The following ADAMTS19 variants were observed in gnomAD, a reference collection of about 807,000 sequenced individuals.
ADAMTS19 encodes ADAM metallopeptidase with thrombospondin type 1 motif 19.
ADAMTS19 carries 93 observed loss-of-function variants against 153.3 expected under a neutral mutation model. The observed-to-expected ratio is 0.61, with a 90% confidence interval of 0.51 to 0.72. The LOEUF is 0.72. Among genes scored for constraint, ADAMTS19 ranks in the 30% least tolerant of loss-of-function variants. ADAMTS19 has a pLI of 0.00. For synonymous variants in ADAMTS19, 600 were observed against 556.6 expected, an observed-to-expected ratio of 1.08 and a Z score of -1.10; for missense variants, 1,482 against 1,552.1, an observed-to-expected ratio of 0.95 and a Z score of 0.76.
intron 2 of ADAMTS19, 133 bp from the exon 3 acceptor site, chr5:129,508,944 G>T (rs2126724918): frequency 1.7e-6 from 1 of 585,732 alleles, no homozygotes; most frequent in Non-Finnish European, 2.8e-6. Context: ...CTTGCTAGTG[G>T]GGTTGCTAAG....
At chr5:129,665,881 CATATAT>C (rs3979171) in intron 16 of ADAMTS19, among the ~76,000 whole-genome samples, 14,006 of 143,618 alleles carry the variant, frequency 0.098, 1,386 homozygotes, top group African/African-American at 0.26. Flanking sequence ...GATTTATATT[CATATAT>C]ATATATATAT....
rs199589260 is a variant in ADAMTS19 at position 129,704,364 on chromosome 5, T to C, written c.3285T>C (p.Tyr1095=). 3.5e-5 allele frequency: 56 copies of C among 1,613,924 alleles called. No homozygotes were observed. The highest frequency in any genetic ancestry group is 1.3e-4 in the Admixed American group (8 of 59,990). Residue 1095 remains tyrosine (Y), a synonymous_variant, in exon 21 of 23, where the codon TAT becomes TAC. Coordinates refer to ENST00000274487, the MANE Select transcript of ADAMTS19 (RefSeq NM_133638.6). Reference sequence around the variant, plus strand: ...ACTGTGAGGATTATTCAAAATGCTATGTGTGGCGAATGGGTGACTGGTCTA... The same window carrying C: ...ACTGTGAGGATTATTCAAAATGCTACGTGTGGCGAATGGGTGACTGGTCTA... ...AEDCEDYSKC[Y]VWRMGDWSKC...
chr5:129,590,001 T>G (rs1750020939), intron 7 of ADAMTS19, among the ~76,000 whole-genome samples: 1 of 152,132 alleles, frequency 6.6e-6, no homozygotes. Flanking sequence ...ATTTCTAGCA[T>G]TCTCAGATTT....
rs1386360892 is a variant in ADAMTS19, at chr5:129,527,635, A to G, written c.1087-113A>G. On this transcript the variant is annotated intron_variant, in intron 4 of 22. Transcript: ENST00000274487. ...TACAAGCTTTTTTTTTTTTTTTTTA[A>G]AAAAAAAAAAAGATGTCTCAACTAA... 46 of 281,022 alleles carry G rather than the reference A, an allele frequency of 1.6e-4. No homozygotes were observed. In the Admixed American group the frequency reaches 2.4e-3, roughly 15 times the overall value. 17.4% of individuals were successfully genotyped at this position (281,022 alleles called of 1,614,324 possible).
intron 6 of ADAMTS19, among the ~76,000 whole-genome samples, chr5:129,533,524 T>G (rs1752290655): frequency 6.6e-6 from 1 of 152,194 alleles, no homozygotes; most frequent in Non-Finnish European, 1.5e-5. Context: ...ATCAATTTTG[T>G]TGGTCTTTTC....
chr5:129,650,698 G>A (rs1399117733), intron 13 of ADAMTS19, among the ~76,000 whole-genome samples: 1 of 151,922 alleles, frequency 6.6e-6, no homozygotes, highest in Non-Finnish European at 1.5e-5. Flanking sequence ...CTCTCATATA[G>A]TTAATCTTCT....
chr5:129,702,941 A>AAATATATATATATATAT, intron 20 of ADAMTS19, among the ~76,000 whole-genome samples: 47 of 29,238 alleles, frequency 1.6e-3, no homozygotes, highest in South Asian at 5.5e-3. Flanking sequence ...AAAAAAAAAA[A>AAATATATATATATATAT]ATATATATAT....
At chr5:129,704,662 A>C (rs1346609450) in intron 21 of ADAMTS19, among the ~76,000 whole-genome samples, 1 of 152,174 alleles carries the variant, frequency 6.6e-6, no homozygotes, top group Non-Finnish European at 1.5e-5. Context: ...CTTTTTTGTT[A>C]ATTATTCATA....
chr5:129,499,161 T>C (rs1751021369), intron 2 of ADAMTS19, among the ~76,000 whole-genome samples: 1 of 152,062 alleles, frequency 6.6e-6, no homozygotes, highest in Non-Finnish European at 1.5e-5. Context: ...AAAGAATTCA[T>C]AGATAGCCCA....
At chr5:129,721,761 A>C in intron 21 of ADAMTS19, among the ~76,000 whole-genome samples, 1 of 150,410 alleles carries the variant, frequency 6.6e-6, no homozygotes, top group South Asian at 2.1e-4. Context: ...CCCCTTCTCC[A>C]CCCCCAACAG....
chr5:129,685,323 T>A (rs1474253800), intron 18 of ADAMTS19, among the ~76,000 whole-genome samples: 1 of 151,002 alleles, frequency 6.6e-6, no homozygotes, highest in Non-Finnish European at 1.5e-5. Context: ...TTTGGAGAGA[T>A]GAGGAGAAAT....
At chr5:129,529,586 A>G (rs940901298) in intron 6 of ADAMTS19, among the ~76,000 whole-genome samples, 3 of 152,206 alleles carry the variant, frequency 2.0e-5, no homozygotes, top group African/African-American at 7.2e-5. Context: ...TAAGACTGCA[A>G]TTCCTGAAAG....
chr5:129,537,574 C>T (rs1345745848), intron 6 of ADAMTS19, among the ~76,000 whole-genome samples: 1 of 152,154 alleles, frequency 6.6e-6, no homozygotes, highest in Non-Finnish European at 1.5e-5. Flanking sequence ...GGCACATCTA[C>T]ACCATGGAAT....
intron 6 of ADAMTS19, among the ~76,000 whole-genome samples, chr5:129,549,629 T>G (rs1444391750): frequency 6.6e-6 from 1 of 151,566 alleles, no homozygotes. Flanking sequence ...CAGTCTTTTG[T>G]CAGTACAATG....
At chr5:129,691,245 C>T (rs907316376) in intron 18 of ADAMTS19, among the ~76,000 whole-genome samples, 2 of 152,090 alleles carry the variant, frequency 1.3e-5, no homozygotes, top group African/African-American at 4.8e-5. Context: ...GAGATGAATG[C>T]ATAATGGTTA....
chr5:129,528,458 T>C, intron 5 of ADAMTS19, 62 bp from the exon 6 acceptor site: 1 of 1,287,472 alleles, frequency 7.8e-7, no homozygotes, highest in Non-Finnish European at 1.0e-6. Flanking sequence ...TTGTTGTTGT[T>C]GTTGTTGTTT....
At chr5:129,599,756 G>A (rs62399017) in intron 8 of ADAMTS19, among the ~76,000 whole-genome samples, 3,961 of 152,194 alleles carry the variant, frequency 0.026, 72 homozygotes, top group Non-Finnish European at 0.039. Flanking sequence ...AGCTCAGATT[G>A]GAATAGCTCA....
intron 19 of ADAMTS19, 36 bp from the exon 20 acceptor site, chr5:129,701,352 T>C (rs896440218): frequency 1.2e-6 from 2 of 1,610,856 alleles, no homozygotes; most frequent in Non-Finnish European, 8.5e-7. Context: ...TAGGTATCTT[T>C]TAACTTGTTT....
At chr5:129,686,451 A>C (rs983084887) in intron 18 of ADAMTS19, among the ~76,000 whole-genome samples, 9 of 152,120 alleles carry the variant, frequency 5.9e-5, no homozygotes, top group African/African-American at 2.2e-4. Context: ...AAAGGCTAGA[A>C]ATATAGAGGA....
Sources: gnomAD v4.1 joint callset for allele counts (sites outside exome capture counted in the v4.1 genomes callset) on GRCh38, gnomAD v4.1.1 for gene constraint, MANE v1.5 for transcripts, NCBI Gene and HGNC (gene_info 2026-07-23, HGNC 2026-07-21) for gene names.